Variants in RBFOX1 observed in about 807,000 individuals in gnomAD.
The protein encoded by RBFOX1 is RNA binding protein fox-1 homolog 1.
A neutral mutation model predicts 57.7 loss-of-function variants in RBFOX1; 8 were observed. That is an observed-to-expected ratio of 0.14 (90% CI 0.08 to 0.25). The LOEUF (loss-of-function observed/expected upper bound fraction) is 0.25, where lower values mean the gene tolerates loss of function less well. Ranked by LOEUF, RBFOX1 falls within the 10% of genes least tolerant of loss-of-function variation. The pLI, the probability that RBFOX1 is intolerant of heterozygous loss-of-function variation, is 1.00. For missense variants in RBFOX1, 611 were observed against 548.5 expected, an observed-to-expected ratio of 1.11 and a Z score of -1.14; for synonymous variants, 326 against 222.4, an observed-to-expected ratio of 1.47 and a Z score of -4.15.
intron 3 of RBFOX1, among the ~76,000 whole-genome samples, chr16:5,786,045 T>C (rs2054490275): frequency 6.6e-6 from 1 of 152,188 alleles, no homozygotes; most frequent in African/African-American, 2.4e-5. Flanking sequence ...TTGGATCATG[T>C]CATTCCCTGA....
At chr16:5,821,116 C>T (rs2055837392) in intron 3 of RBFOX1, among the ~76,000 whole-genome samples, 1 of 152,090 alleles carries the variant, frequency 6.6e-6, no homozygotes, top group Admixed American at 6.5e-5. Context: ...GGACCAAACT[C>T]ATTGCTCAGG....
chr16:7,302,646 AAAG>A (rs1178982859), intron 4 of RBFOX1, among the ~76,000 whole-genome samples: 1 of 152,060 alleles, frequency 6.6e-6, no homozygotes, highest in Non-Finnish European at 1.5e-5. Context: ...AAAAAAAAAA[AAAG>A]AAAATCCAAT....
rs373756020 is a variant in RBFOX1 at position 6,808,160 on chromosome 16, A to ATGTGTGTG, written c.-16+153522_-16+153529dup. 1.6e-3 allele frequency among the ~76,000 whole-genome samples: 227 copies of ATGTGTGTG among 140,106 alleles called. 1 individual carries two copies. The highest frequency in any genetic ancestry group is 4.0e-3 in the Middle Eastern group (1 of 248). The allele number at this position is 140,106 out of a possible 152,430, so 91.9% of individuals were successfully genotyped here. A position where few individuals can be genotyped will look rare whatever the true frequency, so the allele number is the denominator to read the frequency against. ...ATAATATGCATATTATACCTTATAT[A>ATGTGTGTG]TGTGTGTGTGTGTGTGTGTATATAT... is the stretch of plus-strand genomic sequence containing the variant. On this transcript the variant is annotated intron_variant, in intron 3 of 15. Coordinates refer to ENST00000550418, the MANE Select transcript of RBFOX1 (RefSeq NM_018723.4).
chr16:5,881,919 G>C (rs1252819745), intron 4 of RBFOX1, among the ~76,000 whole-genome samples: 1 of 152,172 alleles, frequency 6.6e-6, no homozygotes, highest in East Asian at 1.9e-4. Context: ...TACTTCAGTA[G>C]CAGTGGTAGC....
intron 1 of RBFOX1, among the ~76,000 whole-genome samples, chr16:6,190,629 G>C (rs1274945959): frequency 6.6e-6 from 1 of 152,022 alleles, no homozygotes; most frequent in African/African-American, 2.4e-5. Context: ...ATTATTATTT[G>C]CCTAACATTT....
intron 3 of RBFOX1, among the ~76,000 whole-genome samples, chr16:5,795,735 A>G (rs1181570612): frequency 6.6e-6 from 1 of 152,146 alleles, no homozygotes; most frequent in Non-Finnish European, 1.5e-5. Context: ...CCCATTATAT[A>G]CATTCATATA....
chr16:5,942,981 C>T (rs2059311666), intron 4 of RBFOX1, among the ~76,000 whole-genome samples: 3 of 152,174 alleles, frequency 2.0e-5, no homozygotes, highest in South Asian at 4.1e-4. Flanking sequence ...TCCAGGTGGG[C>T]TGCCAAGCAC....
intron 3 of RBFOX1, among the ~76,000 whole-genome samples, chr16:5,750,263 T>C (rs1025019623): frequency 6.6e-6 from 1 of 152,196 alleles, no homozygotes; most frequent in Non-Finnish European, 1.5e-5. Flanking sequence ...GCATGAGATG[T>C]CAGTCTGCCC....
intron 4 of RBFOX1, among the ~76,000 whole-genome samples, chr16:7,218,305 C>G (rs910486360): frequency 2.8e-4 from 43 of 152,152 alleles, no homozygotes; most frequent in Admixed American, 1.1e-3. Flanking sequence ...TTAAAAATTG[C>G]TATAATACTC....
chr16:6,433,921 C>T (rs2094166511), intron 2 of RBFOX1, among the ~76,000 whole-genome samples: 1 of 150,038 alleles, frequency 6.7e-6, no homozygotes, highest in African/African-American at 2.5e-5. Context: ...CATCTCTGCT[C>T]ACCGTAACCT....
chr16:6,916,838 A>T (rs901831218), intron 3 of RBFOX1, among the ~76,000 whole-genome samples: 2 of 151,258 alleles, frequency 1.3e-5, no homozygotes, highest in Non-Finnish European at 2.9e-5. Flanking sequence ...TTGTTTTTTT[A>T]TTTGTTTGTT....
At chr16:7,360,255 C>T (rs2097296240) in intron 4 of RBFOX1, among the ~76,000 whole-genome samples, 1 of 151,824 alleles carries the variant, frequency 6.6e-6, no homozygotes. Context: ...CCATTTTTTC[C>T]CAATAGCCTA....
chr16:5,871,575 C>T lies in RBFOX1; in HGVS notation c.351+4240C>T, dbSNP rs1158259632. ...CGCAGCTTGCCCTGCTGAGAGAGAA[C>T]GAAGTTACCTGGGCGCAGCCATTGG... On this transcript the variant is annotated intron_variant, in intron 4 of 19. Transcript: ENST00000641259. Among the ~76,000 whole-genome samples, 7 of 152,130 alleles carry T rather than the reference C, an allele frequency of 4.6e-5. 1 individual carries two copies. The highest frequency in any genetic ancestry group is 1.7e-4 in the African/African-American group (7 of 41,430).
intron 3 of RBFOX1, among the ~76,000 whole-genome samples, chr16:6,768,937 C>T (rs1267061610): frequency 6.6e-6 from 1 of 152,044 alleles, no homozygotes; most frequent in Non-Finnish European, 1.5e-5. Context: ...CCATGTTGGC[C>T]AGGCTGGTCT....
Position 7,324,494 on chromosome 16 carries a change from C to G in RBFOX1, c.28-193653C>G, listed in dbSNP as rs185343920. 1.9e-3 allele frequency among the ~76,000 whole-genome samples: 289 copies of G among 152,292 alleles called. 1 individual carries two copies. The highest frequency in any genetic ancestry group is 6.4e-3 in the African/African-American group (264 of 41,564). ...ATTTGTTTGCCTCAAGCAAGGTCAA[C>G]AAATTCTCAAACCCAGTTGTCATTC... is the stretch of plus-strand genomic sequence containing the variant. On this transcript the variant is annotated intron_variant, in intron 4 of 15. Transcript: ENST00000550418.
chr16:5,354,324 T>A (rs930398079), intron 1 of RBFOX1, among the ~76,000 whole-genome samples: 6 of 152,198 alleles, frequency 3.9e-5, no homozygotes, highest in African/African-American at 1.4e-4. Flanking sequence ...TCTTTCAGTC[T>A]CTCCTTGTCG....
chr16:5,399,753 T>C (rs1242193179), intron 1 of RBFOX1, among the ~76,000 whole-genome samples: 1 of 152,050 alleles, frequency 6.6e-6, no homozygotes, highest in Admixed American at 6.6e-5. Context: ...AAAATTTTTT[T>C]TTTTGGCTCA....
intron 11 of RBFOX1, among the ~76,000 whole-genome samples, chr16:7,637,960 A>G (rs529454980): frequency 6.6e-6 from 1 of 152,180 alleles, no homozygotes; most frequent in African/African-American, 2.4e-5. Context: ...TTCCTTTTGG[A>G]GCCTTAAGAT....
chr16:6,727,169 C>T (rs954355283), intron 3 of RBFOX1, among the ~76,000 whole-genome samples: 1 of 150,852 alleles, frequency 6.6e-6, no homozygotes, highest in African/African-American at 2.4e-5. Flanking sequence ...GTCGCAATTC[C>T]ATAGAAAGAA....
Sources: allele counts gnomAD v4.1 joint callset (sites outside exome capture counted in the v4.1 genomes callset), GRCh38; gene constraint gnomAD v4.1.1; transcripts MANE v1.5; gene names NCBI Gene and HGNC (gene_info 2026-07-23, HGNC 2026-07-21).